Variants in LAMA5 observed in about 807,000 individuals in gnomAD.
LAMA5 encodes the protein laminin subunit alpha 5, also known as laminin subunit alpha-5.
Under a neutral mutation model 433.4 loss-of-function variants are expected in LAMA5, and 260 were observed. The ratio of observed to expected loss-of-function variants is 0.60; its 90% CI spans 0.54 to 0.66. The LOEUF is 0.66. LAMA5 is among the 30% of genes least tolerant of loss of function. The pLI is 0.00. For missense variants in LAMA5, 5,378 were observed against 5,258.5 expected (o/e 1.02, Z -0.70); for synonymous variants, 2,620 against 2,226.6 (o/e 1.18, Z -4.97).
In LAMA5 at chr20:62,327,971, G is replaced by C. The variant is rs748296660; in HGVS notation, c.4692C>G (p.Cys1564Trp). The C allele has an allele frequency of 6.2e-7, 1 of 1,612,462 alleles. No homozygotes were observed. The highest frequency in any genetic ancestry group is 8.5e-7 in the Non-Finnish European group (1 of 1,179,902). ...PNVTGRRCDT[C>W]SPGFHGYPRC... ...GGGGGTAGCCATGGAAGCCCGGAGA[G>C]CAGGTATCACAGCGGCGCCCAGTCA... Residue 1564 changes from cysteine to tryptophan, a missense_variant, in exon 36 of 80, where the codon TGC becomes TGG. By Grantham distance (215) the Cys-to-Trp change is radical (BLOSUM62 -2). Transcript: ENST00000252999.
rs373397574 is a variant in LAMA5 at position 62,338,333 on chromosome 20, C to A, written c.1655G>T (p.Arg552Leu). The change falls in exon 13 of 80, where the codon CGC becomes CTC. Residue 552 changes from arginine (R) to leucine (L), a missense_variant. Arg to Leu is a moderately radical substitution (Grantham distance 102, BLOSUM62 -2). Coordinates refer to ENST00000252999, the MANE Select transcript of LAMA5 (RefSeq NM_005560.6). Reference sequence around the variant, plus strand: ...GCACTGGCCTGTGTCAGGGTCACAGCGGTCATCGGCCACTCCAGGGCTGGA... The same window carrying A: ...GCACTGGCCTGTGTCAGGGTCACAGAGGTCATCGGCCACTCCAGGGCTGGA... ...QCSSPGVADD[R>L]CDPDTGQCRC... 2.5e-6 allele frequency: 4 copies of A among 1,608,252 alleles called. No individual in the cohort carries two copies. The highest frequency in any genetic ancestry group is 1.1e-5 in the South Asian group (1 of 90,292).
intron 16 of LAMA5, among the ~76,000 whole-genome samples, chr20:62,337,167 CACGCGATACGCGCACCCACTT>C (rs1981782197): frequency 6.6e-6 from 1 of 152,178 alleles, no homozygotes; most frequent in Non-Finnish European, 1.5e-5. Context: ...ACACTTGAGA[CACGCGATACGCGCACCCACTT>C]ATGCGATACG....
chr20:62,331,200 GGGGGGGTGCAGGCGGTACGAT>G, intron 28 of LAMA5, 71 bp from the exon 29 acceptor site: 2 of 444,350 alleles, frequency 4.5e-6, no homozygotes, highest in South Asian at 6.0e-5. Context: ...GCGGTACGAT[GGGGGGGTGCAGGCGGTACGAT>G]GGGGGGGTGC....
At chr20:62,353,382 C>T in intron 2 of LAMA5, 131 bp from the exon 3 acceptor site, 1 of 656,370 alleles carries the variant, frequency 1.5e-6, no homozygotes, top group Non-Finnish European at 2.6e-6. Flanking sequence ...ACAGGGGGCA[C>T]CTCTGGGTTT....
rs368921445 is a variant in LAMA5 at position 62,316,062 on chromosome 20, C to G, written c.7757-4G>C. On this transcript the variant is annotated splice_polypyrimidine_tract_variant and splice_region_variant and intron_variant, in intron 57 of 79. Coordinates refer to ENST00000252999, the MANE Select transcript of LAMA5 (RefSeq NM_005560.6). ...GCACCCTGGAGGGCAGCCCACACTG[C>G]GGGGGAGGCAGCTTCAGCTCCCAGG... 6.2e-7 allele frequency: 1 copy of G among 1,600,504 alleles called. No individual in the cohort carries two copies.
At position 62,341,858 on chromosome 20, in the gene LAMA5, GAAAATA is replaced by G. The variant is rs1389836606; in HGVS notation, c.1478-3256_1478-3251del. Among the ~76,000 whole-genome samples the G allele has an allele frequency of 3.8e-3, 549 of 142,608 alleles. 1 individual carries two copies. The highest frequency in any genetic ancestry group is 0.014 in the African/African-American group (519 of 36,272). The allele number at this position is 142,608 out of a possible 152,430, so 93.6% of individuals were successfully genotyped here. A position where few individuals can be genotyped will look rare whatever the true frequency, so the allele number is the denominator to read the frequency against. On this transcript the variant is annotated intron_variant, in intron 11 of 79. Coordinates refer to ENST00000252999, the MANE Select transcript of LAMA5 (RefSeq NM_005560.6). ...AAAAAAAAAAAAAAAGAAGAAGAAA[GAAAATA>G]AAAATAAAAATAGACGAGAATAGAA...
intron 11 of LAMA5, among the ~76,000 whole-genome samples, chr20:62,342,920 T>C (rs541807687): frequency 1.3e-5 from 2 of 152,304 alleles, no homozygotes; most frequent in East Asian, 3.9e-4. Context: ...GGAAAGACAA[T>C]ACAATTCATT....
At position 62,351,807 on chromosome 20, in the gene LAMA5, C is replaced by T. The variant is rs200951269; in HGVS notation, c.859-6G>A. Reference sequence around the variant, plus strand: ...TCCTTGATGCTGTAATAATACTGCACCCGCAGGCCCCGTGAGCACCAGGCG... The same window carrying T: ...TCCTTGATGCTGTAATAATACTGCATCCGCAGGCCCCGTGAGCACCAGGCG... On this transcript the variant is annotated splice_polypyrimidine_tract_variant and splice_region_variant and intron_variant, in intron 5 of 79. Transcript: ENST00000252999. 2.3e-5 allele frequency: 37 copies of T among 1,599,472 alleles called. No homozygotes were observed. The East Asian group carries it at 8.1e-4, about 35-fold the overall frequency.
At position 62,310,708 on chromosome 20, in the gene LAMA5, A is replaced by C; in HGVS notation, c.10403T>G (p.Phe3468Cys). ...GCTGCTGGCCGGGAGGCCGCCCACA[A>C]AGAGGGTGTGGGGCTGGGGGTGCTC... ...GAEHPQPHTL[F>C]VGGLPASSHS... The change falls in exon 75 of 80, where the codon TTT (phenylalanine) becomes TGT (cysteine). Residue 3468 changes from phenylalanine (F) to cysteine (C), a missense_variant. Transcript: ENST00000252999. 2 of 1,600,848 alleles carry C rather than the reference A, an allele frequency of 1.2e-6. No homozygotes were observed. The highest frequency in any genetic ancestry group is 1.7e-6 in the Non-Finnish European group (2 of 1,177,002).
rs1224686519 is a variant in LAMA5, at chr20:62,322,172, T to C, written c.6347-4A>G. On this transcript the variant is annotated splice_polypyrimidine_tract_variant and splice_region_variant and intron_variant, in intron 47 of 79. Transcript: ENST00000252999. ...CGGCCCCCAGGGCACTGGCAGCCTGTGGTGGGGGGCTTGGGTGAGCATGGC... is the reference window on the plus strand; with the variant it reads ...CGGCCCCCAGGGCACTGGCAGCCTGCGGTGGGGGGCTTGGGTGAGCATGGC... 1 of 1,590,254 alleles carries C rather than the reference T, an allele frequency of 6.3e-7. No homozygotes were observed.
intron 6 of LAMA5, among the ~76,000 whole-genome samples, chr20:62,349,036 G>A (rs762926821): frequency 4.6e-5 from 7 of 152,060 alleles, no homozygotes; most frequent in East Asian, 3.9e-4. Flanking sequence ...TTGGGAGGCC[G>A]AGGCAGGTGG....
In LAMA5 at chr20:62,318,581, C is replaced by G. The variant is rs138002973; in HGVS notation, c.7112G>C (p.Arg2371Pro). 1.7e-5 allele frequency: 28 copies of G among 1,610,590 alleles called. No individual in the cohort carries two copies. The South Asian group carries it at 2.7e-4, about 16-fold the overall frequency. The change falls in exon 53 of 80, where the codon CGC becomes CCC. Residue 2371 changes from arginine to proline, a missense_variant. Coordinates refer to ENST00000252999, the MANE Select transcript of LAMA5 (RefSeq NM_005560.6). ...GGCCTCGTGCTGGGCCAGCCGGTCGCGGGTTTGTGTGGCCAGTGCCTGGTT... is the reference window on the plus strand; with the variant it reads ...GGCCTCGTGCTGGGCCAGCCGGTCGGGGGTTTGTGTGGCCAGTGCCTGGTT... ...EENQALATQT[R>P]DRLAQHEAGL... is the part of the protein sequence containing the mutation.
At chr20:62,321,000 G>A (rs1267714569) in intron 48 of LAMA5, 110 bp from the exon 49 acceptor site, 2 of 1,232,162 alleles carry the variant, frequency 1.6e-6, no homozygotes, top group African/African-American at 1.5e-5. Context: ...CAGAGGTCAT[G>A]AGGTCAGCTT....
rs757663343 is a variant in LAMA5 at position 62,331,084 on chromosome 20, C to T, written c.3598G>A (p.Val1200Met). 31 of 1,604,190 alleles carry T rather than the reference C, an allele frequency of 1.9e-5. 1 individual carries two copies. The highest frequency in any genetic ancestry group is 1.4e-4 in the South Asian group (13 of 90,044). Reference protein sequence around the residue: ...VPIEEFSPEFVEPRVSCISSH... With the variant: ...VPIEEFSPEFMEPRVSCISSH... ...CTGATGCAGCTGACCCGGGGCTCCACGAACTCCGGGCTGAACTCCTCAATG... is the reference window on the plus strand; with the variant it reads ...CTGATGCAGCTGACCCGGGGCTCCATGAACTCCGGGCTGAACTCCTCAATG... Residue 1200 changes from valine (V) to methionine (M), a missense_variant, in exon 29 of 80, where the codon GTG (valine) becomes ATG (methionine). Coordinates refer to ENST00000252999, the MANE Select transcript of LAMA5 (RefSeq NM_005560.6).
rs772978718 is a variant in LAMA5, at chr20:62,333,914, G to A, written c.2865C>T (p.Ala955=). Residue 955 remains alanine (A), a synonymous_variant, in exon 23 of 80, where the codon GCC becomes GCT. Transcript: ENST00000252999. ...RVSVREEGRS[A]TCANCTAQSQ... ...GACCCCACTCACAGTTGGCGCAGGT[G>A]GCCGACCTGCCCTCCTCTCGCACAG... The A allele has an allele frequency of 8.7e-6, 14 of 1,601,718 alleles. No homozygotes were observed. Among genetic ancestry groups the A allele is most frequent in the African/African-American group, 2.7e-5 (2 of 74,738 alleles).
At chr20:62,366,267 C>A (rs535077425) in intron 1 of LAMA5, among the ~76,000 whole-genome samples, 20 of 152,328 alleles carry the variant, frequency 1.3e-4, no homozygotes, top group African/African-American at 4.8e-4. Flanking sequence ...ACCAACAGAA[C>A]CCGCCTACAG....
intron 1 of LAMA5, among the ~76,000 whole-genome samples, chr20:62,366,523 C>T (rs1321177246): frequency 6.6e-6 from 1 of 152,230 alleles, no homozygotes. Flanking sequence ...GTGGCTGGCC[C>T]CTCCCACCCC....
Position 62,322,048 on chromosome 20 carries a change from C to T in LAMA5, c.6467G>A (p.Gly2156Glu), listed in dbSNP as rs141208202. 60,932 of 1,599,286 alleles carry T rather than the reference C, an allele frequency of 0.038. 1,334 individuals carry two copies. Among genetic ancestry groups the T allele is most frequent in the Non-Finnish European group, 0.044 (52,364 of 1,179,390 alleles). The change falls in exon 48 of 80, where the codon GGG becomes GAG. Residue 2156 changes from glycine (G) to glutamate (E), a missense_variant. Transcript: ENST00000252999. ...SQQHQVPVPGGPVGHSIHCEV... is the reference protein window; with the variant it reads ...SQQHQVPVPGEPVGHSIHCEV... Reference sequence around the variant, plus strand: ...ACAGTGGATGCTGTGGCCCACAGGCCCGCCTGGAACAGGCACCTGATGCTG... The same window carrying T: ...ACAGTGGATGCTGTGGCCCACAGGCTCGCCTGGAACAGGCACCTGATGCTG...
chr20:62,344,691 C>T (rs1983087348), intron 11 of LAMA5, among the ~76,000 whole-genome samples: 1 of 152,054 alleles, frequency 6.6e-6, no homozygotes, highest in African/African-American at 2.4e-5. Context: ...TCAGGTAATC[C>T]ACCTGCCTCA....
Sources: gnomAD v4.1 joint callset for allele counts (sites outside exome capture counted in the v4.1 genomes callset) on GRCh38, gnomAD v4.1.1 for gene constraint, MANE v1.5 for transcripts, NCBI Gene and HGNC (gene_info 2026-07-23, HGNC 2026-07-21) for gene names.